FCRLA: variants seen among roughly 807,000 people sequenced by gnomAD.
FCRLA encodes Fc receptor-like A.
A neutral mutation model predicts 28.4 loss-of-function variants in FCRLA; 26 were observed. The ratio of observed to expected loss-of-function variants is 0.91; its 90% CI spans 0.67 to 1.27. The LOEUF is 1.27. Among genes scored for constraint, FCRLA ranks in the 50% most tolerant of loss-of-function variants. The pLI, the probability that FCRLA is intolerant of heterozygous loss-of-function variation, is 0.00. For synonymous variants in FCRLA, 174 were observed against 168.5 expected (o/e 1.03, Z -0.25); for missense variants, 422 against 433.1 (o/e 0.97, Z 0.23).
At chr1:161,708,683 G>A (rs150685930) in intron 1 of FCRLA, among the ~76,000 whole-genome samples, 1 of 152,276 alleles carries the variant, frequency 6.6e-6, no homozygotes, top group African/African-American at 2.4e-5. Flanking sequence ...CCTGAAATGA[G>A]TTCTTTCCAT....
rs898090306 is a variant in FCRLA at position 161,711,120 on chromosome 1, T to C, written c.233-88T>C. 5.2e-6 allele frequency: 8 copies of C among 1,524,400 alleles called. No homozygotes were observed. In the African/African-American group the frequency reaches 9.7e-5, roughly 18 times the overall value. The allele number at this position is 1,524,400 out of a possible 1,614,324, so 94.4% of individuals were successfully genotyped here. ...CAGGGGTGAGAGTTTACCTGGACCC[T>C]CAGAGAAAGTTTAGGGGAGTAGGCA... On this transcript the variant is annotated intron_variant, in intron 2 of 4. Transcript: ENST00000236938.
Position 161,707,304 on chromosome 1 carries a change from C to T in FCRLA, c.40C>T (p.Leu14Phe), listed in dbSNP as rs770753789. 1 of 1,613,338 alleles carries T rather than the reference C, an allele frequency of 6.2e-7. No individual in the cohort carries two copies. Among genetic ancestry groups the T allele is most frequent in the Admixed American group, 1.7e-5 (1 of 59,914 alleles). ...TGTCCTCATGGCCTGGGCCCTCTAC[C>T]TTTCCCTTGGTGTGCTCTGGGTGGC... is the stretch of plus-strand genomic sequence containing the variant. ...GCVLMAWALY[L>F]SLGVLWVAQM... The change falls in exon 1 of 5, where the codon CTT (leucine) becomes TTT (phenylalanine). Residue 14 changes from leucine (L) to phenylalanine (F), a missense_variant. Leu to Phe is a conservative substitution (Grantham distance 22). Around this residue, in one of 3 missense-constraint regions of FCRLA, gnomAD observed 231 missense variants for 214.6 expected, o/e 1.08. Transcript: ENST00000236938.
chr1:161,711,159 C>T (rs1343512614), intron 2 of FCRLA, 49 bp from the exon 3 acceptor site: 10 of 1,567,578 alleles, frequency 6.4e-6, no homozygotes, highest in African/African-American at 1.4e-5. Flanking sequence ...TTGGGGGTGG[C>T]CCCCAAGGGA....
At chr1:161,708,085 A>G (rs1485834611) in intron 1 of FCRLA, among the ~76,000 whole-genome samples, 2 of 152,150 alleles carry the variant, frequency 1.3e-5, no homozygotes, top group African/African-American at 2.4e-5. Context: ...TTCAAATATC[A>G]AGCTTCATAC....
At position 161,713,371 on chromosome 1, in the gene FCRLA, T is replaced by C. The variant is rs765593135; in HGVS notation, c.1071T>C (p.Thr357=). ...GGAAGCCTGGGACCACAAAGGCTACTGCTGAATAGAAGTAAACAGTTCATC... is the reference window on the plus strand; with the variant it reads ...GGAAGCCTGGGACCACAAAGGCTACCGCTGAATAGAAGTAAACAGTTCATC... ...GHRKPGTTKA[T]AE The change falls in exon 5 of 5, where the codon ACT becomes ACC. Residue 357 remains threonine, a synonymous_variant. Coordinates refer to ENST00000236938, the MANE Select transcript of FCRLA (RefSeq NM_032738.4). 1 of 1,613,082 alleles carries C rather than the reference T, an allele frequency of 6.2e-7. No homozygotes were observed. Among genetic ancestry groups the C allele is most frequent in the Non-Finnish European group, 8.5e-7 (1 of 1,179,428 alleles).
intron 1 of FCRLA, chr1:161,710,437 G>A: frequency 7.8e-6 from 12 of 1,546,952 alleles, no homozygotes; most frequent in African/African-American, 1.4e-5. Context: ...TCCCTGCTTC[G>A]AGTTACCATT....
In FCRLA at chr1:161,713,269, TC is replaced by T. The variant is rs541054921; in HGVS notation, c.970del (p.Leu324PhefsTer8). ...DPHLYHQMGL[L>X]LKHMQDVRVL... Reference sequence around the variant, plus strand: ...CTCATCTGTATCACCAGATGGGCCTTCTTCTCAAACACATGCAGGATGTGAG... The same window carrying T: ...CTCATCTGTATCACCAGATGGGCCTTTTCTCAAACACATGCAGGATGTGAG... On this transcript the variant is annotated frameshift_variant, in exon 5 of 5. Coordinates refer to ENST00000236938, the MANE Select transcript of FCRLA (RefSeq NM_032738.4). LOFTEE classifies it low-confidence loss of function (END_TRUNC). The T allele has an allele frequency of 1.9e-6, 3 of 1,614,240 alleles. No homozygotes were observed. The South Asian group carries it at 3.3e-5, about 18-fold the overall frequency.
rs1343150102 is a variant in FCRLA, at chr1:161,713,401, A to T, written c.*21A>T. Reference sequence around the variant, plus strand: ...AATAGAAGTAAACAGTTCATCCATGATCTCACTTAACCACCCCAATAAATC... The same window carrying T: ...AATAGAAGTAAACAGTTCATCCATGTTCTCACTTAACCACCCCAATAAATC... On this transcript the variant is annotated 3_prime_UTR_variant, in exon 5 of 5. Coordinates refer to ENST00000236938, the MANE Select transcript of FCRLA (RefSeq NM_032738.4). The T allele has an allele frequency of 6.3e-7, 1 of 1,587,552 alleles. No individual in the cohort carries two copies. The highest frequency in any genetic ancestry group is 8.6e-7 in the Non-Finnish European group (1 of 1,162,130).
rs1683078766 is a variant in FCRLA, at chr1:161,711,150, TG to T, written c.233-53del. The stretch of plus-strand genomic sequence containing the variant: ...GAAAGTTTAGGGGAGTAGGCATGCT[TG>T]GGGGTGGCCCCCAAGGGAGGCCCTG... On this transcript the variant is annotated intron_variant, in intron 2 of 4. Coordinates refer to ENST00000236938, the MANE Select transcript of FCRLA (RefSeq NM_032738.4). 4 of 1,561,026 alleles carry T rather than the reference TG, an allele frequency of 2.6e-6. No homozygotes were observed. The African/African-American group carries it at 4.1e-5, about 16-fold the overall frequency.
In FCRLA at chr1:161,713,496, GT is replaced by G; in HGVS notation, c.*118del. On this transcript the variant is annotated 3_prime_UTR_variant, in exon 5 of 5. Coordinates refer to ENST00000236938, the MANE Select transcript of FCRLA (RefSeq NM_032738.4). ...CTTTTACAAGTTGTCCCAGTGTTTT[GT>G]TAGAATAATGTAGTTAGGTGAGTGT... The G allele has an allele frequency of 1.2e-6, 1 of 847,148 alleles. No individual in the cohort carries two copies. Among genetic ancestry groups the G allele is most frequent in the Non-Finnish European group, 1.8e-6 (1 of 545,444 alleles). 52.5% of individuals were successfully genotyped at this position (847,148 alleles called of 1,614,324 possible).
chr1:161,714,345 G>A lies in FCRLA; in HGVS notation c.*965G>A, dbSNP rs1331635702. Reference sequence around the variant, plus strand: ...TATGAGAAATAAAATTCTGTTGTTTGTAAGCTATTCAGTTTGTGTATTTTG... The same window carrying A: ...TATGAGAAATAAAATTCTGTTGTTTATAAGCTATTCAGTTTGTGTATTTTG... On this transcript the variant is annotated 3_prime_UTR_variant, in exon 5 of 5. Transcript: ENST00000236938. The A allele has an allele frequency of 6.6e-6, 1 of 152,338 alleles. No homozygotes were observed. The highest frequency in any genetic ancestry group is 1.5e-5 in the Non-Finnish European group (1 of 68,032). 9.4% of individuals were successfully genotyped at this position (152,338 alleles called of 1,614,324 possible). A position where few individuals can be genotyped will look rare whatever the true frequency, so the allele number is the denominator to read the frequency against.
chr1:161,710,866 C>A lies in FCRLA; in HGVS notation c.186C>A (p.Val62=). The part of the protein sequence containing the change: ...LTDAREAGFQ[V]KAYTFSEPFH... ...ATGCAAGGGAAGCTGGCTTCCAGGT[C>A]AAGGCCTACACTTTCAGTGAACCCT... Residue 62 remains valine (V), a synonymous_variant, in exon 2 of 5, where the codon GTC becomes GTA. Transcript: ENST00000236938. 1 of 1,613,796 alleles carries A rather than the reference C, an allele frequency of 6.2e-7. No individual in the cohort carries two copies. The highest frequency in any genetic ancestry group is 2.2e-5 in the East Asian group (1 of 44,884).
In FCRLA at chr1:161,713,216, T is replaced by C. The variant is rs1350003898; in HGVS notation, c.916T>C (p.Phe306Leu). ...AACCCCATCTTCTGAGGATCCAGGC[T>C]TTTCTTCTCCTCTGGGGATGCCAGA... Reference protein sequence around the residue: ...PPTPSSEDPGFSSPLGMPDPH... With the variant: ...PPTPSSEDPGLSSPLGMPDPH... The change falls in exon 5 of 5, where the codon TTT becomes CTT. Residue 306 changes from phenylalanine to leucine, a missense_variant. By Grantham distance (22) the Phe-to-Leu change is conservative. This residue lies in a region of FCRLA where 185 missense variants were observed against 198.1 expected (regional missense o/e 0.93). Transcript: ENST00000236938. 2.5e-6 allele frequency: 4 copies of C among 1,614,096 alleles called. No homozygotes were observed. Among genetic ancestry groups the C allele is most frequent in the Non-Finnish European group, 3.4e-6 (4 of 1,180,050 alleles).
chr1:161,711,327 G>A lies in FCRLA; in HGVS notation c.352G>A (p.Ala118Thr), dbSNP rs1174795673. 13 of 1,614,232 alleles carry A rather than the reference G, an allele frequency of 8.1e-6. No homozygotes were observed. Among genetic ancestry groups the A allele is most frequent in the Non-Finnish European group, 1.1e-5 (13 of 1,180,044 alleles). ...GGTGACCTTCTACCGAGATGGCTCA[G>A]CTCTGGGTCCCCCCGGGCCTAACAG... ...TQVTFYRDGS[A>T]LGPPGPNREF... Residue 118 changes from alanine (A) to threonine (T), a missense_variant, in exon 3 of 5, where the codon GCT becomes ACT. Physicochemically the swap from Ala to Thr is moderately conservative, Grantham distance 58. This residue lies in a region of FCRLA where 231 missense variants were observed against 214.6 expected (regional missense o/e 1.08). Coordinates refer to ENST00000236938, the MANE Select transcript of FCRLA (RefSeq NM_032738.4).
rs1219522080 is a variant in FCRLA at position 161,712,132 on chromosome 1, A to G, written c.698A>G (p.Asp233Gly). ...TTCCAGATCCCCACAGCTTCAGAAGATCACTCCGGGTCATACTGGTGTGAG... is the reference window on the plus strand; with the variant it reads ...TTCCAGATCCCCACAGCTTCAGAAGGTCACTCCGGGTCATACTGGTGTGAG... ...SEFQIPTASE[D>G]HSGSYWCEAA... The change falls in exon 4 of 5, where the codon GAT becomes GGT. Residue 233 changes from aspartate to glycine, a missense_variant. Coordinates refer to ENST00000236938, the MANE Select transcript of FCRLA (RefSeq NM_032738.4). The G allele has an allele frequency of 1.2e-6, 2 of 1,614,060 alleles. No homozygotes were observed. Among genetic ancestry groups the G allele is most frequent in the African/African-American group, 2.7e-5 (2 of 74,930 alleles).
intron 1 of FCRLA, among the ~76,000 whole-genome samples, chr1:161,708,087 G>A (rs1463152680): frequency 1.3e-5 from 2 of 152,104 alleles, no homozygotes; most frequent in African/African-American, 2.4e-5. Context: ...CAAATATCAA[G>A]CTTCATACCA....
intron 1 of FCRLA, among the ~76,000 whole-genome samples, chr1:161,710,008 G>T (rs1683016487): frequency 6.6e-6 from 1 of 152,142 alleles, no homozygotes. Flanking sequence ...GTGAAGACCT[G>T]CAAGGGGGAG....
chr1:161,709,415 A>T (rs1337662653), intron 1 of FCRLA, among the ~76,000 whole-genome samples: 1 of 152,218 alleles, frequency 6.6e-6, no homozygotes, highest in Non-Finnish European at 1.5e-5. Context: ...TATAAGCATG[A>T]GCCACCACGC....
Position 161,711,306 on chromosome 1 carries a change from A to T in FCRLA, c.331A>T (p.Thr111Ser). 6.2e-7 allele frequency: 1 copy of T among 1,614,186 alleles called. No individual in the cohort carries two copies. Among genetic ancestry groups the T allele is most frequent in the South Asian group, 1.1e-5 (1 of 91,078 alleles). The change falls in exon 3 of 5, where the codon ACC becomes TCC. Residue 111 changes from threonine to serine, a missense_variant. By Grantham distance (58) the Thr-to-Ser change is moderately conservative. This residue lies in a region of FCRLA where 231 missense variants were observed against 214.6 expected (regional missense o/e 1.08). Transcript: ENST00000236938. The part of the protein sequence containing the change: ...AWQDWPLTQV[T>S]FYRDGSALGP... ...GCAAGACTGGCCACTGACTCAGGTG[A>T]CCTTCTACCGAGATGGCTCAGCTCT... is the stretch of plus-strand genomic sequence containing the variant.
Sources: gnomAD v4.1 joint callset for allele counts (sites outside exome capture counted in the v4.1 genomes callset) on GRCh38, gnomAD v4.1.1 for gene constraint, gnomAD v4.1.1 regional missense constraint, MANE v1.5 for transcripts, NCBI Gene and HGNC (gene_info 2026-07-23, HGNC 2026-07-21) for gene names.